Variants in ELMOD3 observed in about 807,000 individuals in gnomAD.
The protein encoded by ELMOD3 is ELMO domain-containing protein 3.
In ELMOD3, 36 loss-of-function variants were observed where a neutral mutation model predicts 47.4. That is an observed-to-expected ratio of 0.76 (90% confidence interval 0.58 to 1.00). The LOEUF is 1.00. Ranked by LOEUF, ELMOD3 falls within the 50% of genes least tolerant of loss-of-function variation. The probability of loss-of-function intolerance (pLI) is 0.00; values close to 1 mark genes in which losing one functional copy is unlikely to be tolerated. For synonymous variants in ELMOD3, 149 were observed against 183.5 expected, an observed-to-expected ratio of 0.81 and a Z score of 1.52; for missense variants, 404 against 463.8, an observed-to-expected ratio of 0.87 and a Z score of 1.18.
rs550245610 is a variant in ELMOD3, at chr2:85,370,472, G to A, written c.361-614G>A. On this transcript the variant is annotated intron_variant, in intron 8 of 13. Coordinates refer to ENST00000409013, the MANE Select transcript of ELMOD3 (RefSeq NM_001135022.2). ...TCTGGGCCATATTGAGTAACAATACGTTTAGAGAAATGTGATTTCAGGTCT... is the reference window on the plus strand; with the variant it reads ...TCTGGGCCATATTGAGTAACAATACATTTAGAGAAATGTGATTTCAGGTCT... Among the ~76,000 whole-genome samples the A allele has an allele frequency of 9.1e-4, 138 of 151,724 alleles. 1 individual carries two copies. Among genetic ancestry groups the A allele is most frequent in the African/African-American group, 3.0e-3 (124 of 41,388 alleles).
intron 2 of ELMOD3, 22 bp downstream of exon 2, chr2:85,355,192 C>T (rs1054895262): frequency 1.3e-5 from 2 of 152,362 alleles, no homozygotes; most frequent in Admixed American, 1.3e-4. Context: ...TCTCTGTGCC[C>T]CTCAAAGTGG....
intron 13 of ELMOD3, 107 bp from the exon 14 acceptor site, chr2:85,390,653 G>A: frequency 1.3e-6 from 2 of 1,490,670 alleles, no homozygotes; most frequent in African/African-American, 1.4e-5. Context: ...TCTCTCCATG[G>A]GATAGGGGTT....
Position 85,357,215 on chromosome 2 carries a change from G to C in ELMOD3, c.17G>C (p.Cys6Ser), listed in dbSNP as rs772547438. MNEKSCSFHSKEELRD... is the reference protein window; with the variant it reads MNEKSSSFHSKEELRD... The stretch of plus-strand genomic sequence containing the variant: ...TTTTGAGTCATGAATGAAAAATCTT[G>C]CTCTTTCCATAGTAAAGAAGAATTA... The change falls in exon 4 of 14, where the codon TGC becomes TCC. Residue 6 changes from cysteine to serine, a missense_variant. By Grantham distance (112) the Cys-to-Ser change is moderately radical. Coordinates refer to ENST00000409013, the MANE Select transcript of ELMOD3 (RefSeq NM_001135022.2). 3 of 1,607,726 alleles carry C rather than the reference G, an allele frequency of 1.9e-6. No homozygotes were observed. Among genetic ancestry groups the C allele is most frequent in the Non-Finnish European group, 2.5e-6 (3 of 1,176,950 alleles).
Position 85,371,459 on chromosome 2 carries a change from C to G in ELMOD3, c.504C>G (p.Asp168Glu). The G allele has an allele frequency of 6.2e-7, 1 of 1,614,210 alleles. No homozygotes were observed. The highest frequency in any genetic ancestry group is 8.5e-7 in the Non-Finnish European group (1 of 1,180,040). Residue 168 changes from aspartate to glutamate, a missense_variant, in exon 10 of 14, where the codon GAC becomes GAG. Coordinates refer to ENST00000409013, the MANE Select transcript of ELMOD3 (RefSeq NM_001135022.2). ...TIAQCGLDSQ[D>E]PVHGRVLQTI... The stretch of plus-strand genomic sequence containing the variant: ...GGGCAGGTGGCCTGGATAGCCAAGA[C>G]CCAGTGCATGGCCGAGTCCTCCAGA...
At chr2:85,373,663 AC>A (rs978046204) in intron 10 of ELMOD3, among the ~76,000 whole-genome samples, 1 of 151,860 alleles carries the variant, frequency 6.6e-6, no homozygotes, top group Non-Finnish European at 1.5e-5. Context: ...AAATAGTGAA[AC>A]CCTGTCTGTA....
chr2:85,367,351 G>A (rs1382386851), intron 6 of ELMOD3, among the ~76,000 whole-genome samples: 1 of 152,212 alleles, frequency 6.6e-6, no homozygotes. Context: ...GCAGGGGTTG[G>A]AACTGAAGGT....
chr2:85,388,112 G>A (rs1284271155), intron 11 of ELMOD3, among the ~76,000 whole-genome samples: 1 of 151,828 alleles, frequency 6.6e-6, no homozygotes, highest in Non-Finnish European at 1.5e-5. Context: ...GGGAAAGCTG[G>A]TGTTCTGCAT....
At chr2:85,357,764 T>C (rs1369602682) in intron 4 of ELMOD3, among the ~76,000 whole-genome samples, 2 of 152,148 alleles carry the variant, frequency 1.3e-5, no homozygotes, top group Non-Finnish European at 2.9e-5. Flanking sequence ...TTCTTCACTG[T>C]AGTAATATGC....
Position 85,371,179 on chromosome 2 carries a change from G to A in ELMOD3, c.454G>A (p.Glu152Lys). The change falls in exon 9 of 14, where the codon GAA becomes AAA. Residue 152 changes from glutamate to lysine, a missense_variant. Transcript: ENST00000409013. ...AAAGCTCCACCAGCGCCTTCGGGAAGAAAGGGACTTGGTCCTGACCATTGC... is the reference window on the plus strand; with the variant it reads ...AAAGCTCCACCAGCGCCTTCGGGAAAAAAGGGACTTGGTCCTGACCATTGC... ...PPKLHQRLREERDLVLTIAQC... is the reference protein window; with the variant it reads ...PPKLHQRLREKRDLVLTIAQC... The A allele has an allele frequency of 6.2e-7, 1 of 1,614,276 alleles. No individual in the cohort carries two copies. The highest frequency in any genetic ancestry group is 8.5e-7 in the Non-Finnish European group (1 of 1,180,052).
chr2:85,359,510 T>C (rs1350081620), intron 4 of ELMOD3, among the ~76,000 whole-genome samples: 1 of 147,774 alleles, frequency 6.8e-6, no homozygotes, highest in African/African-American at 2.5e-5. Flanking sequence ...CAGGTTCAAA[T>C]GATTCTCCTG....
rs1685150643 is a variant in ELMOD3 at position 85,376,086 on chromosome 2, G to GTTATGTTA, written c.608-1258_608-1257insTTATGTTA. 6.6e-6 allele frequency among the ~76,000 whole-genome samples: 1 copy of GTTATGTTA among 152,178 alleles called. No homozygotes were observed. Among genetic ancestry groups the GTTATGTTA allele is most frequent in the African/African-American group, 2.4e-5 (1 of 41,430 alleles). ...TGCCATGTTACATAACATAGTCATAGCTTCTGGGGACATGGTCATCGTGGG... is the reference window on the plus strand; with the variant it reads ...TGCCATGTTACATAACATAGTCATAGTTATGTTACTTCTGGGGACATGGTCATCGTGGG... On this transcript the variant is annotated intron_variant, in intron 10 of 13. Coordinates refer to ENST00000409013, the MANE Select transcript of ELMOD3 (RefSeq NM_001135022.2). This position sits in a 1 kb window ranked among gnomAD's most constrained non-coding sequence, Gnocchi z 4.2.
At chr2:85,363,047 TG>T in intron 5 of ELMOD3, 49 bp from the exon 6 acceptor site, 1 of 1,147,754 alleles carries the variant, frequency 8.7e-7, no homozygotes, top group Non-Finnish European at 1.3e-6. Context: ...TTTGTGTATA[TG>T]GGGGTATGTG....
intron 2 of ELMOD3, 128 bp from the exon 3 acceptor site, chr2:85,355,427 A>G (rs1481570499): frequency 6.6e-6 from 1 of 152,210 alleles, no homozygotes; most frequent in Non-Finnish European, 1.5e-5. Flanking sequence ...AGGGTGCATA[A>G]TGAATACTTG....
At position 85,371,579 on chromosome 2, in the gene ELMOD3, G is replaced by A; in HGVS notation, c.607+17G>A. 1 of 1,613,850 alleles carries A rather than the reference G, an allele frequency of 6.2e-7. No homozygotes were observed. Among genetic ancestry groups the A allele is most frequent in the Non-Finnish European group, 8.5e-7 (1 of 1,179,868 alleles). On this transcript the variant is annotated intron_variant, in intron 10 of 13. Coordinates refer to ENST00000409013, the MANE Select transcript of ELMOD3 (RefSeq NM_001135022.2). ...GCTTTCAGGGTAAGAGGGAGGAGTAGCTCATCTTCTTTTTCATGCCTCTGA... is the reference window on the plus strand; with the variant it reads ...GCTTTCAGGGTAAGAGGGAGGAGTAACTCATCTTCTTTTTCATGCCTCTGA...
chr2:85,371,596 T>G (rs769339643), intron 10 of ELMOD3, 34 bp downstream of exon 10: 1 of 1,612,966 alleles, frequency 6.2e-7, no homozygotes. Context: ...TTCTTTTTCA[T>G]GCCTCTGATT....
chr2:85,371,261 G>A, intron 9 of ELMOD3, 52 bp downstream of exon 9: 1 of 1,614,008 alleles, frequency 6.2e-7, no homozygotes. Flanking sequence ...GGTTGGGCAA[G>A]ACCGTGTGTG....
Position 85,391,154 on chromosome 2 carries a change from C to A in ELMOD3, c.*192C>A. 1 of 598,810 alleles carries A rather than the reference C, an allele frequency of 1.7e-6. No homozygotes were observed. The highest frequency in any genetic ancestry group is 3.0e-6 in the Non-Finnish European group (1 of 336,870). 37.1% of individuals were successfully genotyped at this position (598,810 alleles called of 1,614,324 possible). A position where few individuals can be genotyped will look rare whatever the true frequency, so the allele number is the denominator to read the frequency against. On this transcript the variant is annotated 3_prime_UTR_variant, in exon 14 of 14. Transcript: ENST00000409013. ...GGACATGAGGGGCAGCTAGACTTCA[C>A]CCCCTTCCCGCAGACCTGCCTCCAG...
At chr2:85,364,825 A>ATTTTTTTTTTTTT (rs869054374) in intron 6 of ELMOD3, among the ~76,000 whole-genome samples, 4 of 69,894 alleles carry the variant, frequency 5.7e-5, no homozygotes, top group African/African-American at 2.7e-4. Context: ...ATATATATAT[A>ATTTTTTTTTTTTT]TTTTTTTTTT....
rs142602629 is a variant in ELMOD3, at chr2:85,360,739, A to G, written c.55-1447A>G. ...TACTTTTCCAGAAAATTCAGTGAAT[A>G]TGGTAACATAGGAACAAACTTAGGC... On this transcript the variant is annotated intron_variant, in intron 4 of 13. Coordinates refer to ENST00000409013, the MANE Select transcript of ELMOD3 (RefSeq NM_001135022.2). The G allele has an allele frequency of 2.1e-3, 427 of 206,240 alleles. 1 individual carries two copies. Among genetic ancestry groups the G allele is most frequent in the African/African-American group, 9.3e-3 (390 of 41,988 alleles). The allele number at this position is 206,240 out of a possible 1,614,324, so 12.8% of individuals were successfully genotyped here.
Sources: allele counts gnomAD v4.1 joint callset (sites outside exome capture counted in the v4.1 genomes callset), GRCh38; gene constraint gnomAD v4.1.1; non-coding constraint Gnocchi (gnomAD v3.1); transcripts MANE v1.5; gene names NCBI Gene and HGNC (gene_info 2026-07-23, HGNC 2026-07-21).